The following PLXNC1 variants were observed in gnomAD, a reference collection of about 807,000 sequenced individuals.
The protein encoded by PLXNC1 is plexin C1.
Under a neutral mutation model 178.2 loss-of-function variants are expected in PLXNC1, and 75 were observed. The ratio of observed to expected loss-of-function variants is 0.42; its 90% confidence interval spans 0.35 to 0.51. The LOEUF (loss-of-function observed/expected upper bound fraction) is 0.51. PLXNC1 is among the 20% of genes least tolerant of loss of function. The probability of loss-of-function intolerance (pLI) is 0.02; values close to 1 mark genes in which losing one functional copy is unlikely to be tolerated. For synonymous variants in PLXNC1, 790 were observed against 779.9 expected (o/e 1.01, Z -0.22); for missense variants, 1,503 against 1,984.4 (o/e 0.76, Z 4.61).
intron 21 of PLXNC1, among the ~76,000 whole-genome samples, chr12:94,278,874 T>G (rs1966202597): frequency 6.6e-6 from 1 of 152,152 alleles, no homozygotes. Flanking sequence ...GGCATGTGCC[T>G]GTAATCCCAG....
At chr12:94,224,183 T>C in intron 6 of PLXNC1, 45 bp from the exon 7 acceptor site, 1 of 1,096,048 alleles carries the variant, frequency 9.1e-7, no homozygotes, top group Non-Finnish European at 1.4e-6. Context: ...TGCTTGACTA[T>C]AGCAGGACTC....
At position 94,286,429 on chromosome 12, in the gene PLXNC1, G is replaced by A. The variant is rs537814401; in HGVS notation, c.3879+4028G>A. Among the ~76,000 whole-genome samples, 4 of 152,034 alleles carry A rather than the reference G, an allele frequency of 2.6e-5. No homozygotes were observed. In the South Asian group the frequency reaches 6.3e-4, roughly 24 times the overall value. On this transcript the variant is annotated intron_variant, in intron 23 of 30. Transcript: ENST00000258526. ...CTACATCTATATTTGATTAAGCAGC[G>A]CCTCCGCAGACTCAACATTTGGGAG...
At chr12:94,220,196 A>C in intron 6 of PLXNC1, 33 bp downstream of exon 6, 1 of 1,599,956 alleles carries the variant, frequency 6.3e-7, no homozygotes, top group Non-Finnish European at 8.5e-7. Flanking sequence ...TTTTTGTTAT[A>C]AAATCAAAAA....
intron 23 of PLXNC1, among the ~76,000 whole-genome samples, chr12:94,283,567 A>G (rs919274555): frequency 6.6e-6 from 1 of 152,176 alleles, no homozygotes; most frequent in Non-Finnish European, 1.5e-5. Context: ...GAGTTTTATT[A>G]TTACTCAAAT....
At chr12:94,186,667 G>A in intron 4 of PLXNC1, 194 bp downstream of exon 4, 1 of 506,620 alleles carries the variant, frequency 2.0e-6, no homozygotes, top group South Asian at 2.1e-5. Flanking sequence ...TGCAATCACT[G>A]GACCCGGGAG....
intron 23 of PLXNC1, among the ~76,000 whole-genome samples, chr12:94,288,808 G>A (rs1046019715): frequency 4.6e-5 from 7 of 152,226 alleles, no homozygotes; most frequent in African/African-American, 1.7e-4. Flanking sequence ...GGGACAGCAT[G>A]TGGAATAGAA....
chr12:94,261,733 A>G (rs1223701924), intron 20 of PLXNC1, among the ~76,000 whole-genome samples: 16 of 152,240 alleles, frequency 1.1e-4, no homozygotes. Context: ...TCCGAAATCT[A>G]ATTAAACTTT....
chr12:94,277,952 C>A (rs1385566593), intron 21 of PLXNC1: 2 of 455,932 alleles, frequency 4.4e-6, no homozygotes, highest in Non-Finnish European at 8.8e-6. Flanking sequence ...GTTTTCATCT[C>A]TCCCCTGAGC....
At position 94,243,954 on chromosome 12, in the gene PLXNC1, A is replaced by G; in HGVS notation, c.2317A>G (p.Thr773Ala). ...TCCTTGCAGTGGTGGTCAAAATATA[A>G]CCATGATGGGCAGAAATTTTGATGT... is the stretch of plus-strand genomic sequence containing the variant. ...TTWISGGQNITMMGRNFDVID... is the reference protein window; with the variant it reads ...TTWISGGQNIAMMGRNFDVID... The change falls in exon 12 of 31, where the codon ACC (threonine) becomes GCC (alanine). Residue 773 changes from threonine (T) to alanine (A), a missense_variant. By Grantham distance (58) the Thr-to-Ala change is moderately conservative. Coordinates refer to ENST00000258526, the MANE Select transcript of PLXNC1 (RefSeq NM_005761.3). 5 of 1,594,658 alleles carry G rather than the reference A, an allele frequency of 3.1e-6. No homozygotes were observed. In the South Asian group the frequency reaches 5.5e-5, roughly 18 times the overall value.
intron 1 of PLXNC1, among the ~76,000 whole-genome samples, chr12:94,150,593 C>T (rs1196656652): frequency 1.3e-5 from 2 of 152,248 alleles, no homozygotes; most frequent in African/African-American, 2.4e-5. Flanking sequence ...CTAGCCCGCT[C>T]AGCGTGGAGA....
intron 4 of PLXNC1, among the ~76,000 whole-genome samples, 185 bp from the exon 5 acceptor site, chr12:94,209,405 T>C (rs1213864612): frequency 1.3e-5 from 2 of 152,262 alleles, no homozygotes; most frequent in African/African-American, 4.8e-5. Flanking sequence ...TCTGCTGTTT[T>C]CTTGTTGCTT....
intron 2 of PLXNC1, among the ~76,000 whole-genome samples, chr12:94,177,439 CTGAT>C (rs111900658): frequency 0.11 from 15,746 of 149,760 alleles, 949 homozygotes; most frequent in Middle Eastern, 0.14. Context: ...TTTCAGGAAA[CTGAT>C]TGGTAAATCC....
intron 4 of PLXNC1, among the ~76,000 whole-genome samples, chr12:94,194,842 C>A (rs1962859514): frequency 6.6e-6 from 1 of 152,134 alleles, no homozygotes; most frequent in Non-Finnish European, 1.5e-5. Flanking sequence ...GTGCCTGGCT[C>A]CTGGTAGGCA....
chr12:94,259,436 C>G, intron 18 of PLXNC1, 61 bp downstream of exon 18: 1 of 1,269,862 alleles, frequency 7.9e-7, no homozygotes, highest in Non-Finnish European at 1.1e-6. Flanking sequence ...GTGTTATCAT[C>G]ATCACTATCA....
At chr12:94,281,282 A>G (rs939208957) in intron 22 of PLXNC1, among the ~76,000 whole-genome samples, 8 of 152,300 alleles carry the variant, frequency 5.3e-5, no homozygotes, top group Middle Eastern at 3.4e-3. Context: ...CTGTCTCCAA[A>G]AAAAACAAAA....
At chr12:94,280,074 G>A (rs145849729) in intron 22 of PLXNC1, 24 of 339,360 alleles carry the variant, frequency 7.1e-5, no homozygotes, top group Middle Eastern at 1.1e-3. Context: ...CAGACTCTGG[G>A]TGTTAACTCT....
intron 2 of PLXNC1, among the ~76,000 whole-genome samples, chr12:94,179,791 C>T (rs1962241131): frequency 6.6e-6 from 1 of 150,628 alleles, no homozygotes; most frequent in Admixed American, 6.6e-5. Context: ...AAGGAGCTTG[C>T]AATCTAGTAA....
rs149034455 is a variant in PLXNC1, at chr12:94,191,513, G to A, written c.1439+5040G>A. Among the ~76,000 whole-genome samples, 681 of 152,322 alleles carry A rather than the reference G, an allele frequency of 4.5e-3. 11 individuals carry two copies. The highest frequency in any genetic ancestry group is 0.016 in the African/African-American group (662 of 41,556). On this transcript the variant is annotated intron_variant, in intron 4 of 30. Transcript: ENST00000258526. ...AGAATAGGCATCCAGACTGGGCATG[G>A]TGGCTCACGCCTGTAATCCCAGCAC...
chr12:94,182,743 AAAG>A (rs1277716615), intron 3 of PLXNC1, among the ~76,000 whole-genome samples: 11 of 152,154 alleles, frequency 7.2e-5, no homozygotes, highest in African/African-American at 2.6e-4. Context: ...AAAAAAAAAG[AAAG>A]AAGAAGAAAA....
Sources: gnomAD v4.1 joint callset for allele counts (sites outside exome capture counted in the v4.1 genomes callset) on GRCh38, gnomAD v4.1.1 for gene constraint, MANE v1.5 for transcripts, NCBI Gene and HGNC (gene_info 2026-07-23, HGNC 2026-07-21) for gene names.